The following MAP4K4 variants were observed in gnomAD, a reference collection of about 807,000 sequenced individuals.
The protein encoded by MAP4K4 is mitogen-activated protein kinase kinase kinase kinase 4.
A neutral mutation model predicts 189.6 loss-of-function variants in MAP4K4; 38 were observed. The observed-to-expected ratio is 0.20, with a 90% CI of 0.15 to 0.26. MAP4K4 has a LOEUF of 0.26. Ranked by LOEUF, MAP4K4 falls within the 10% of genes least tolerant of loss-of-function variation. MAP4K4 has a pLI of 1.00. For synonymous variants in MAP4K4, 610 were observed against 624.3 expected (o/e 0.98, Z 0.34); for missense variants, 1,054 against 1,726.9 (o/e 0.61, Z 6.91).
At chr2:101,880,246 T>C (rs931511138) in intron 27 of MAP4K4, among the ~76,000 whole-genome samples, 1 of 152,246 alleles carries the variant, frequency 6.6e-6, no homozygotes, top group African/African-American at 2.4e-5. Flanking sequence ...TCTGGTATTG[T>C]ATCTAAAAAG....
At chr2:101,779,614 CTCTT>C (rs981745889) in intron 2 of MAP4K4, among the ~76,000 whole-genome samples, 9 of 151,184 alleles carry the variant, frequency 6.0e-5, no homozygotes, top group Middle Eastern at 3.4e-3. Context: ...GAGACAAGAG[CTCTT>C]TCTATCTCCA....
chr2:101,799,443 T>C (rs2094146910), intron 3 of MAP4K4, among the ~76,000 whole-genome samples: 1 of 152,192 alleles, frequency 6.6e-6, no homozygotes, highest in African/African-American at 2.4e-5. Context: ...TCCCTCCACC[T>C]GTGGCAATCC....
chr2:101,888,789 C>G lies in MAP4K4; in HGVS notation c.3932-7C>G, dbSNP rs537429320. On this transcript the variant is annotated splice_region_variant and splice_polypyrimidine_tract_variant and intron_variant, in intron 31 of 32. Coordinates refer to ENST00000324219, the Ensembl canonical transcript of MAP4K4. ...TTAACGGTTTGCAATTTTTCCCTCCCCAAAAGCATATATTCGATCCAATCA... is the reference window on the plus strand; with the variant it reads ...TTAACGGTTTGCAATTTTTCCCTCCGCAAAAGCATATATTCGATCCAATCA... 3.2e-5 allele frequency: 51 copies of G among 1,586,060 alleles called. No homozygotes were observed. The highest frequency in any genetic ancestry group is 5.9e-5 in the South Asian group (5 of 84,560).
At chr2:101,769,782 A>T (rs2080422018) in intron 2 of MAP4K4, among the ~76,000 whole-genome samples, 1 of 151,986 alleles carries the variant, frequency 6.6e-6, no homozygotes, top group Non-Finnish European at 1.5e-5. Context: ...AGGTTTCACC[A>T]TGTTGGCCAG....
At position 101,823,803 on chromosome 2, in the gene MAP4K4, A is replaced by G. The variant is rs976962826; in HGVS notation, c.181-125A>G. On this transcript the variant is annotated intron_variant, in intron 3 of 32. Transcript: ENST00000324219. Reference sequence around the variant, plus strand: ...CTTGGCACAAGGATAAAGTGAATGTATATGTGCCTCTGCTCCTGGAGGATG... The same window carrying G: ...CTTGGCACAAGGATAAAGTGAATGTGTATGTGCCTCTGCTCCTGGAGGATG... 22 of 736,128 alleles carry G rather than the reference A, an allele frequency of 3.0e-5. No homozygotes were observed. The Admixed American group carries it at 4.9e-4, about 16-fold the overall frequency. 45.6% of individuals were successfully genotyped at this position (736,128 alleles called of 1,614,324 possible). A position where few individuals can be genotyped will look rare whatever the true frequency, so the allele number is the denominator to read the frequency against.
At chr2:101,874,437 T>C (rs906731003) in intron 26 of MAP4K4, among the ~76,000 whole-genome samples, 185 bp downstream of exon 26, 6 of 152,232 alleles carry the variant, frequency 3.9e-5, no homozygotes, top group Admixed American at 2.6e-4. Context: ...ATGATTGCAC[T>C]CATTTTAACT....
chr2:101,831,608 C>A, intron 6 of MAP4K4, 113 bp from the exon 7 acceptor site: 1 of 1,137,730 alleles, frequency 8.8e-7, no homozygotes, highest in Non-Finnish European at 1.3e-6. Context: ...ATTCATGAAG[C>A]ACTGCTGTTT....
chr2:101,832,494 A>G (rs2096619894), intron 7 of MAP4K4, among the ~76,000 whole-genome samples: 1 of 152,214 alleles, frequency 6.6e-6, no homozygotes, highest in African/African-American at 2.4e-5. Flanking sequence ...GTATTTTAGT[A>G]TTTATTACAA....
At chr2:101,829,555 C>G (rs1182240330) in exon 6 of MAP4K4, 1 of 1,611,866 alleles carries the variant, frequency 6.2e-7, no homozygotes, top group African/African-American at 1.3e-5. Flanking sequence ...TATCAAGGGC[C>G]AGAATGTGTT....
At chr2:101,731,618 G>A (rs1224707142) in intron 2 of MAP4K4, among the ~76,000 whole-genome samples, 1 of 152,062 alleles carries the variant, frequency 6.6e-6, no homozygotes, top group African/African-American at 2.4e-5. Context: ...AAATTACCCA[G>A]GCGTCATGGT....
Position 101,783,296 on chromosome 2 carries a change from A to G in MAP4K4, c.124-7424A>G, listed in dbSNP as rs530812885. On this transcript the variant is annotated intron_variant, in intron 2 of 32. Transcript: ENST00000324219. Reference sequence around the variant, plus strand: ...TGTTTTTCTGGAAAAAAAAAAGGATATTTGTTAGAATTAGAATTTACTTGT... The same window carrying G: ...TGTTTTTCTGGAAAAAAAAAAGGATGTTTGTTAGAATTAGAATTTACTTGT... Among the ~76,000 whole-genome samples, 3 of 151,904 alleles carry G rather than the reference A, an allele frequency of 2.0e-5. No homozygotes were observed. In the South Asian group the frequency reaches 6.2e-4, roughly 32 times the overall value.
chr2:101,778,923 C>T (rs971558264), intron 2 of MAP4K4, among the ~76,000 whole-genome samples: 2 of 152,128 alleles, frequency 1.3e-5, no homozygotes, highest in Non-Finnish European at 2.9e-5. Flanking sequence ...GGAATTCCAC[C>T]TCACCCCTCT....
intron 23 of MAP4K4, 132 bp downstream of exon 23, chr2:101,870,547 G>T (rs2097959144): frequency 7.7e-7 from 1 of 1,299,588 alleles, no homozygotes; most frequent in Non-Finnish European, 1.0e-6. Flanking sequence ...AGGGTCAAGT[G>T]TCGAGTGTCG....
At chr2:101,877,142 A>G in exon 27 of MAP4K4, 1 of 1,613,984 alleles carries the variant, frequency 6.2e-7, no homozygotes, top group Non-Finnish European at 8.5e-7. Context: ...TGGTGACAAT[A>G]TCTGGTGAGT....
chr2:101,864,297 A>G (rs1186988619), intron 17 of MAP4K4, among the ~76,000 whole-genome samples: 3 of 152,206 alleles, frequency 2.0e-5, no homozygotes, highest in African/African-American at 7.2e-5. Flanking sequence ...GAGTAAGTCT[A>G]CAAAGAATAG....
intron 2 of MAP4K4, among the ~76,000 whole-genome samples, chr2:101,781,628 C>A (rs1010251067): frequency 2.6e-5 from 4 of 152,276 alleles, no homozygotes; most frequent in African/African-American, 9.6e-5. Context: ...AACCTTTTTA[C>A]TCCTCCCTCC....
At chr2:101,893,070 A>G (rs1049021042) in exon 33 of MAP4K4, 8 of 456,300 alleles carry the variant, frequency 1.8e-5, no homozygotes, top group Non-Finnish European at 2.6e-5. Context: ...CCACCTAAAC[A>G]CAGCAGCCAT....
chr2:101,735,943 G>T (rs1216023515), intron 2 of MAP4K4, among the ~76,000 whole-genome samples: 6 of 152,126 alleles, frequency 3.9e-5, no homozygotes, highest in Non-Finnish European at 5.9e-5. Context: ...TTTCCACAGG[G>T]AAGAAGTCTG....
intron 2 of MAP4K4, among the ~76,000 whole-genome samples, chr2:101,750,132 C>G (rs1348119493): frequency 6.8e-6 from 1 of 147,362 alleles, no homozygotes; most frequent in African/African-American, 2.5e-5. Flanking sequence ...ACTAGAAATA[C>G]CATTTGACCC....
Sources: gnomAD v4.1 joint callset for allele counts (sites outside exome capture counted in the v4.1 genomes callset) on GRCh38, gnomAD v4.1.1 for gene constraint, MANE v1.5 for transcripts, NCBI Gene and HGNC (gene_info 2026-07-23, HGNC 2026-07-21) for gene names.